DUOXA1: variants seen among roughly 807,000 people sequenced by gnomAD.
DUOXA1 encodes dual oxidase activator 1.
DUOXA1 carries 19 observed loss-of-function variants against 26.6 expected under a neutral mutation model. That is an observed-to-expected ratio of 0.71 (90% CI 0.50 to 1.05). The LOEUF (loss-of-function observed/expected upper bound fraction) is 1.05. DUOXA1 is among the 50% of genes least tolerant of loss of function. The pLI is 0.00. For synonymous variants in DUOXA1, 166 were observed against 177.0 expected (o/e 0.94, Z 0.49); for missense variants, 403 against 427.5 (o/e 0.94, Z 0.51).
At chr15:45,119,791 C>G (rs1386661864) in intron 8 of DUOXA1, among the ~76,000 whole-genome samples, 1 of 151,646 alleles carries the variant, frequency 6.6e-6, no homozygotes, top group African/African-American at 2.4e-5. Context: ...AATGGGGACC[C>G]AGAGAAGGGT....
Position 45,123,055 on chromosome 15 carries a change from CA to C in DUOXA1, c.-29-13del. The C allele has an allele frequency of 6.4e-7, 1 of 1,565,972 alleles. No homozygotes were observed. Among genetic ancestry groups the C allele is most frequent in the Non-Finnish European group, 8.7e-7 (1 of 1,154,074 alleles). ...CAGGGGGGGCAATGCTGTACAACAA[CA>C]ATAGACATTTATTGCATGCCCTCAA... is the stretch of plus-strand genomic sequence containing the variant. On this transcript the variant is annotated splice_polypyrimidine_tract_variant and intron_variant, in intron 3 of 8. Coordinates refer to ENST00000560572, the MANE Select transcript of DUOXA1 (RefSeq NM_001276266.2).
chr15:45,120,882 G>A (rs2141192757), intron 6 of DUOXA1, 77 bp from the exon 7 acceptor site: 1 of 1,540,582 alleles, frequency 6.5e-7, no homozygotes, highest in Non-Finnish European at 8.9e-7. Context: ...ACCCACACTG[G>A]GCAGAGGGAC....
Position 45,119,129 on chromosome 15 carries a change from T to C in DUOXA1, c.1009A>G (p.Lys337Glu). 6.3e-7 allele frequency: 1 copy of C among 1,595,950 alleles called. No individual in the cohort carries two copies. The highest frequency in any genetic ancestry group is 8.6e-7 in the Non-Finnish European group (1 of 1,165,430). Residue 337 changes from lysine to glutamate, a missense_variant, in exon 9 of 9, where the codon AAA (lysine) becomes GAA (glutamate). Coordinates refer to ENST00000560572, the MANE Select transcript of DUOXA1 (RefSeq NM_001276266.2). ...TGTTATAAAGCACAATCAGGATCTT[T>C]GGGGTGTGCCTCCTTACAGTATGCC... ...TKAYCKEAHPKDPDCAL is the reference protein window; with the variant it reads ...TKAYCKEAHPEDPDCAL
At chr15:45,120,905 C>T in intron 6 of DUOXA1, 100 bp from the exon 7 acceptor site, 1 of 1,504,152 alleles carries the variant, frequency 6.6e-7, no homozygotes, top group East Asian at 2.3e-5. Context: ...GAAGTGGTCT[C>T]AACTGAGAGA....
intron 6 of DUOXA1, 26 bp downstream of exon 6, chr15:45,121,061 C>CA: frequency 6.2e-7 from 1 of 1,613,774 alleles, no homozygotes; most frequent in Non-Finnish European, 8.5e-7. Context: ...CCTTCCCCCC[C>CA]ACCACAGGTA....
At chr15:45,126,491 A>C (rs1039119840) in intron 3 of DUOXA1, among the ~76,000 whole-genome samples, 1 of 152,214 alleles carries the variant, frequency 6.6e-6, no homozygotes, top group Non-Finnish European at 1.5e-5. Context: ...CTCTGATGCC[A>C]CTGGGCCAAT....
chr15:45,119,771 A>G (rs891838320), intron 8 of DUOXA1, among the ~76,000 whole-genome samples: 1 of 152,086 alleles, frequency 6.6e-6, no homozygotes, highest in Admixed American at 6.5e-5. Context: ...AGGACAGGGA[A>G]GGGTTTAAGA....
At chr15:45,122,800 G>A (rs1232750972) in intron 4 of DUOXA1, 68 bp downstream of exon 4, 1 of 1,507,036 alleles carries the variant, frequency 6.6e-7, no homozygotes, top group African/African-American at 1.4e-5. Context: ...TGTAGTCAGA[G>A]ACTCTGAACC....
chr15:45,128,684 G>A (rs1231911473), intron 3 of DUOXA1, among the ~76,000 whole-genome samples: 1 of 152,226 alleles, frequency 6.6e-6, no homozygotes, highest in Non-Finnish European at 1.5e-5. Context: ...GGATTCCCCA[G>A]TAAGGGCTGA....
rs541103488 is a variant in DUOXA1, at chr15:45,119,301, C to T, written c.837G>A (p.Leu279=). Residue 279 remains leucine (L), a synonymous_variant, in exon 9 of 9, where the codon CTG becomes CTA. Transcript: ENST00000560572. ...AVAHRMQPHR[L]KAFFNQSVDE... The stretch of plus-strand genomic sequence containing the variant: ...CCACACTCTGGTTGAAGAAAGCCTT[C>T]AGCCTGTGAGGCTGCATCCTGTGGG... The T allele has an allele frequency of 6.2e-7, 1 of 1,614,122 alleles. No homozygotes were observed. Among genetic ancestry groups the T allele is most frequent in the Non-Finnish European group, 8.5e-7 (1 of 1,180,008 alleles).
rs1368033386 is a variant in DUOXA1, at chr15:45,118,060, CT to C, written c.*1045del. 1 of 1,554,766 alleles carries C rather than the reference CT, an allele frequency of 6.4e-7. No homozygotes were observed. The highest frequency in any genetic ancestry group is 8.7e-7 in the Non-Finnish European group (1 of 1,152,288). On this transcript the variant is annotated 3_prime_UTR_variant, in exon 9 of 9. Transcript: ENST00000560572. ...ATCCGCAGGCACCAGGGAAAGTCTC[CT>C]GGGGCGATCTGTAAATAAACCTTTT...
In DUOXA1 at chr15:45,117,783, C is replaced by A; in HGVS notation, c.*1323G>T. The A allele has an allele frequency of 1.2e-6, 2 of 1,614,010 alleles. No homozygotes were observed. The highest frequency in any genetic ancestry group is 1.7e-6 in the Non-Finnish European group (2 of 1,180,040). ...AGTATGTTCGGCCCAGCGCTCTTCG[C>A]ACCCTTCTGGACCAAAGCGCCAAGG... On this transcript the variant is annotated 3_prime_UTR_variant, in exon 9 of 9. Coordinates refer to ENST00000560572, the MANE Select transcript of DUOXA1 (RefSeq NM_001276266.2).
In DUOXA1 at chr15:45,118,079, A is replaced by T. The variant is rs150014419; in HGVS notation, c.*1027T>A. The T allele has an allele frequency of 2.4e-4, 370 of 1,530,798 alleles. No individual in the cohort carries two copies. The African/African-American group carries it at 4.3e-3, about 18-fold the overall frequency. The allele number at this position is 1,530,798 out of a possible 1,614,324, so 94.8% of individuals were successfully genotyped here. ...AGTCTCCTGGGGCGATCTGTAAATA[A>T]ACCTTTTTTTCTTTTGTTTTTTAAA... On this transcript the variant is annotated 3_prime_UTR_variant, in exon 9 of 9. Transcript: ENST00000560572.
chr15:45,120,857 C>T (rs1384549335), intron 6 of DUOXA1, 52 bp from the exon 7 acceptor site: 2 of 1,593,302 alleles, frequency 1.3e-6, no homozygotes, highest in African/African-American at 2.7e-5. Flanking sequence ...CAGAGTGGGG[C>T]CTAGGTAGGG....
In DUOXA1 at chr15:45,118,189, G is replaced by A; in HGVS notation, c.*917C>T. Reference sequence around the variant, plus strand: ...GCTTCGCTGGGCTGGAGACAGCCTAGTACACTCTCCGCAGTGCTGTGAAAC... The same window carrying A: ...GCTTCGCTGGGCTGGAGACAGCCTAATACACTCTCCGCAGTGCTGTGAAAC... On this transcript the variant is annotated 3_prime_UTR_variant, in exon 9 of 9. Transcript: ENST00000560572. 1 of 1,431,508 alleles carries A rather than the reference G, an allele frequency of 7.0e-7. No homozygotes were observed. The highest frequency in any genetic ancestry group is 9.1e-7 in the Non-Finnish European group (1 of 1,098,278). 88.7% of individuals were successfully genotyped at this position (1,431,508 alleles called of 1,614,324 possible). A position where few individuals can be genotyped will look rare whatever the true frequency, so the allele number is the denominator to read the frequency against.
At chr15:45,122,130 G>A (rs1895266937) in intron 5 of DUOXA1, 55 bp downstream of exon 5, 6 of 1,547,784 alleles carry the variant, frequency 3.9e-6, no homozygotes, top group Non-Finnish European at 3.5e-6. Context: ...GCAGGCTGCT[G>A]AGGGAGTTGA....
In DUOXA1 at chr15:45,118,036, T is replaced by A. The variant is rs1466836269; in HGVS notation, c.*1070A>T. On this transcript the variant is annotated 3_prime_UTR_variant, in exon 9 of 9. Coordinates refer to ENST00000560572, the MANE Select transcript of DUOXA1 (RefSeq NM_001276266.2). The stretch of plus-strand genomic sequence containing the variant: ...CGCTGCTGGCGCGAGGCCTCGGACA[T>A]CCGCAGGCACCAGGGAAAGTCTCCT... The A allele has an allele frequency of 1.3e-6, 2 of 1,595,912 alleles. No individual in the cohort carries two copies. Among genetic ancestry groups the A allele is most frequent in the Non-Finnish European group, 8.6e-7 (1 of 1,167,906 alleles).
chr15:45,120,472 G>T, intron 7 of DUOXA1, 120 bp downstream of exon 7: 1 of 1,432,540 alleles, frequency 7.0e-7, no homozygotes, highest in East Asian at 2.3e-5. Context: ...CAGCACCATG[G>T]GGACTGGTGC....
In DUOXA1 at chr15:45,119,372, A is replaced by G. The variant is rs749120729; in HGVS notation, c.773-7T>C. The G allele has an allele frequency of 2.5e-6, 4 of 1,602,058 alleles. No homozygotes were observed. In the South Asian group the frequency reaches 4.4e-5, roughly 18 times the overall value. Reference sequence around the variant, plus strand: ...AGCAGCACACACAGCAGTCCTGGAGATGAGGGCAACAATTGTCCCACCTTA... The same window carrying G: ...AGCAGCACACACAGCAGTCCTGGAGGTGAGGGCAACAATTGTCCCACCTTA... On this transcript the variant is annotated splice_region_variant and splice_polypyrimidine_tract_variant and intron_variant, in intron 8 of 8. Transcript: ENST00000560572.
Sources: allele counts gnomAD v4.1 joint callset (sites outside exome capture counted in the v4.1 genomes callset), GRCh38; gene constraint gnomAD v4.1.1; transcripts MANE v1.5; gene names NCBI Gene and HGNC (gene_info 2026-07-23, HGNC 2026-07-21).